TAFA1: variants seen among roughly 807,000 people sequenced by gnomAD.
TAFA1 encodes the protein chemokine-like protein TAFA-1.
In TAFA1, 4 loss-of-function variants were observed where a neutral mutation model predicts 18.5. The observed-to-expected ratio is 0.22, with a 90% confidence interval of 0.11 to 0.49. The LOEUF is 0.49. Ranked by LOEUF, TAFA1 falls within the 20% of genes least tolerant of loss-of-function variation. The probability of loss-of-function intolerance (pLI) is 0.98; values close to 1 mark genes in which losing one functional copy is unlikely to be tolerated. For missense variants in TAFA1, 147 were observed against 169.0 expected, an observed-to-expected ratio of 0.87 and a Z score of 0.72; for synonymous variants, 56 against 55.2, an observed-to-expected ratio of 1.01 and a Z score of -0.06.
At chr3:68,123,245 C>T (rs1373505299) in intron 2 of TAFA1, among the ~76,000 whole-genome samples, 1 of 152,010 alleles carries the variant, frequency 6.6e-6, no homozygotes, top group Non-Finnish European at 1.5e-5. Context: ...GGAGAAGGGG[C>T]GACAGGAGCA....
At chr3:68,256,542 C>T (rs756967673) in intron 2 of TAFA1, among the ~76,000 whole-genome samples, 1 of 152,026 alleles carries the variant, frequency 6.6e-6, no homozygotes. Flanking sequence ...AGGTGCCCAC[C>T]CTAAGAGAGA....
intron 2 of TAFA1, among the ~76,000 whole-genome samples, chr3:68,366,191 G>A (rs1248194192): frequency 6.6e-6 from 1 of 152,050 alleles, no homozygotes; most frequent in East Asian, 1.9e-4. Flanking sequence ...TCTCCCATGG[G>A]GTCCCTCCCA....
At chr3:68,189,956 G>T (rs73834882) in intron 2 of TAFA1, among the ~76,000 whole-genome samples, 2,248 of 151,938 alleles carry the variant, frequency 0.015, 64 homozygotes, top group African/African-American at 0.051. Flanking sequence ...TACAGAGATT[G>T]CTTGGTGAGG....
At chr3:68,413,819 T>G (rs2070762748) in intron 2 of TAFA1, among the ~76,000 whole-genome samples, 1 of 152,070 alleles carries the variant, frequency 6.6e-6, no homozygotes. Context: ...TTATTTTAAG[T>G]AGACAGGTCA....
At chr3:67,993,670 T>A in the TAFA1 span, among the ~76,000 whole-genome samples, 1 of 152,220 alleles carries the variant, frequency 6.6e-6, no homozygotes, top group Non-Finnish European at 1.5e-5. Flanking sequence ...GCCATAGATA[T>A]GTGTTGGGCA....
In TAFA1 at chr3:68,159,671, G is replaced by C. The variant is rs1575652060; in HGVS notation, c.118+152927G>C. On this transcript the variant is annotated intron_variant, in intron 2 of 4. Coordinates refer to ENST00000478136, the MANE Select transcript of TAFA1 (RefSeq NM_213609.4). ...CAGAACTCTCAACCACCAGGAGGTT[G>C]CCTCAAGAGATAACAGTTGACTTAC... Among the ~76,000 whole-genome samples, 5 of 152,214 alleles carry C rather than the reference G, an allele frequency of 3.3e-5. No homozygotes were observed. The South Asian group carries it at 1.0e-3, about 32-fold the overall frequency.
intron 3 of TAFA1, among the ~76,000 whole-genome samples, chr3:68,521,035 A>G (rs1322396196): frequency 1.3e-5 from 2 of 152,208 alleles, no homozygotes; most frequent in African/African-American, 4.8e-5. Flanking sequence ...TTTTTCCTGC[A>G]TAACAGAAAG....
chr3:68,503,108 G>T (rs947792529), intron 3 of TAFA1, among the ~76,000 whole-genome samples: 4 of 152,166 alleles, frequency 2.6e-5, no homozygotes, highest in African/African-American at 7.2e-5. Flanking sequence ...CAAGTGGAAA[G>T]TTCCATACTT....
At chr3:68,225,314 C>A (rs910437286) in intron 2 of TAFA1, among the ~76,000 whole-genome samples, 8 of 152,112 alleles carry the variant, frequency 5.3e-5, no homozygotes, top group Non-Finnish European at 1.0e-4. Context: ...TTTTCAACAA[C>A]CTGCAATGTC....
At chr3:68,096,582 C>T (rs974383177) in intron 2 of TAFA1, among the ~76,000 whole-genome samples, 1 of 152,066 alleles carries the variant, frequency 6.6e-6, no homozygotes, top group Non-Finnish European at 1.5e-5. Context: ...ATTTTTCCAG[C>T]TGGGGAAACT....
At chr3:68,417,528 G>A (rs1354370700) in intron 3 of TAFA1, 108 bp downstream of exon 3, 86 of 1,060,556 alleles carry the variant, frequency 8.1e-5, no homozygotes, top group Non-Finnish European at 1.0e-4. Flanking sequence ...AGGTGCATCC[G>A]AAGTGTTAGA....
chr3:68,132,062 G>A (rs1182218504), intron 2 of TAFA1, among the ~76,000 whole-genome samples: 1 of 152,082 alleles, frequency 6.6e-6, no homozygotes, highest in African/African-American at 2.4e-5. Context: ...CCAAGTGTGT[G>A]ATGTTCCTCT....
intron 4 of TAFA1, among the ~76,000 whole-genome samples, chr3:68,539,877 A>G (rs2073344956): frequency 6.6e-6 from 1 of 152,088 alleles, no homozygotes; most frequent in Non-Finnish European, 1.5e-5. Flanking sequence ...TTCCTGCTTC[A>G]GTCTCCCAAA....
chr3:68,434,650 G>A (rs188139542), intron 3 of TAFA1, among the ~76,000 whole-genome samples: 1 of 152,186 alleles, frequency 6.6e-6, no homozygotes, highest in Admixed American at 6.6e-5. Flanking sequence ...CACATAACTT[G>A]TGACCAAAGG....
At chr3:68,459,289 C>T (rs557206565) in intron 3 of TAFA1, among the ~76,000 whole-genome samples, 3 of 152,244 alleles carry the variant, frequency 2.0e-5, no homozygotes, top group African/African-American at 7.2e-5. Context: ...ATTTCCTTAA[C>T]CTGTAGGACA....
At chr3:68,059,587 G>A (rs1342018937) in intron 2 of TAFA1, among the ~76,000 whole-genome samples, 1 of 152,156 alleles carries the variant, frequency 6.6e-6, no homozygotes, top group Non-Finnish European at 1.5e-5. Flanking sequence ...GAGTGCAGAT[G>A]CAGGTAAGGG....
intron 3 of TAFA1, among the ~76,000 whole-genome samples, chr3:68,512,427 C>T (rs1317266622): frequency 6.6e-6 from 1 of 152,020 alleles, no homozygotes; most frequent in East Asian, 1.9e-4. Context: ...ATTTTCTCTA[C>T]CTGCCACAAA....
chr3:68,332,946 A>T (rs533882976), intron 2 of TAFA1, among the ~76,000 whole-genome samples: 113 of 152,326 alleles, frequency 7.4e-4, no homozygotes, highest in African/African-American at 2.6e-3. Flanking sequence ...TCAAAACCAC[A>T]ATTAAATAAC....
intron 2 of TAFA1, among the ~76,000 whole-genome samples, chr3:68,109,155 G>A (rs1010602470): frequency 6.6e-6 from 1 of 151,948 alleles, no homozygotes; most frequent in Admixed American, 6.6e-5. Flanking sequence ...CCTTTGGATA[G>A]GTTAGAAGCA....
Sources: gnomAD v4.1 joint callset for allele counts (sites outside exome capture counted in the v4.1 genomes callset) on GRCh38, gnomAD v4.1.1 for gene constraint, MANE v1.5 for transcripts, NCBI Gene and HGNC (gene_info 2026-07-23, HGNC 2026-07-21) for gene names.